The following ODAD2 variants were observed in gnomAD, a reference collection of about 807,000 sequenced individuals.
The protein encoded by ODAD2 is outer dynein arm-docking complex subunit 2.
A neutral mutation model predicts 106.8 loss-of-function variants in ODAD2; 89 were observed. The observed-to-expected ratio is 0.83, with a 90% CI of 0.70 to 0.99. The LOEUF (loss-of-function observed/expected upper bound fraction) is 0.99. ODAD2 is among the 50% of genes least tolerant of loss of function. ODAD2 has a pLI of 0.00. For synonymous variants in ODAD2, 404 were observed against 436.2 expected, an observed-to-expected ratio of 0.93 and a Z score of 0.92; for missense variants, 1,168 against 1,238.5, an observed-to-expected ratio of 0.94 and a Z score of 0.85.
chr10:27,872,525 G>A (rs543285937), intron 17 of ODAD2, among the ~76,000 whole-genome samples: 38 of 152,068 alleles, frequency 2.5e-4, no homozygotes, highest in Admixed American at 3.9e-4. Flanking sequence ...TTTGAGATAC[G>A]TCCCATCAAT....
intron 19 of ODAD2, among the ~76,000 whole-genome samples, chr10:27,836,898 C>T (rs528219631): frequency 1.3e-5 from 2 of 151,960 alleles, no homozygotes; most frequent in Non-Finnish European, 2.9e-5. Context: ...AACATCAAAC[C>T]TAAAGAGTAT....
At chr10:27,946,542 C>T (rs1034954923) in intron 10 of ODAD2, among the ~76,000 whole-genome samples, 2 of 152,004 alleles carry the variant, frequency 1.3e-5, no homozygotes, top group African/African-American at 4.8e-5. Context: ...ACAATTCCTC[C>T]CTTCTAGCTG....
intron 16 of ODAD2, among the ~76,000 whole-genome samples, chr10:27,915,150 A>AAT (rs1444467208): frequency 6.6e-6 from 1 of 152,152 alleles, no homozygotes; most frequent in African/African-American, 2.4e-5. Context: ...AACCACACCT[A>AAT]CACACATCAT....
intron 16 of ODAD2, among the ~76,000 whole-genome samples, chr10:27,933,811 T>G (rs905510342): frequency 1.3e-5 from 2 of 152,254 alleles, no homozygotes; most frequent in Non-Finnish European, 2.9e-5. Context: ...TAATCATGTA[T>G]GCAACTTGTA....
intron 19 of ODAD2, among the ~76,000 whole-genome samples, chr10:27,852,552 T>A (rs1438754052): frequency 6.6e-6 from 1 of 151,844 alleles, no homozygotes; most frequent in Non-Finnish European, 1.5e-5. Flanking sequence ...AAGCCAAAAA[T>A]GAGATAAAAT....
chr10:27,958,121 A>G (rs976252759), intron 10 of ODAD2, among the ~76,000 whole-genome samples: 3 of 152,216 alleles, frequency 2.0e-5, no homozygotes, highest in Admixed American at 6.5e-5. Context: ...TGGCTATGTG[A>G]AGAATATTTA....
At chr10:27,845,252 G>A (rs1589807708) in intron 19 of ODAD2, among the ~76,000 whole-genome samples, 1 of 152,222 alleles carries the variant, frequency 6.6e-6, no homozygotes, top group South Asian at 2.1e-4. Flanking sequence ...CCAGAAGAGA[G>A]TGGGGGCTGA....
intron 7 of ODAD2, among the ~76,000 whole-genome samples, chr10:27,981,166 G>A (rs1227752289): frequency 6.6e-6 from 1 of 152,116 alleles, no homozygotes; most frequent in African/African-American, 2.4e-5. Flanking sequence ...GGAAGTCAGG[G>A]AAGAAGGAAT....
At chr10:27,843,913 G>A (rs959792774) in intron 19 of ODAD2, among the ~76,000 whole-genome samples, 2 of 152,048 alleles carry the variant, frequency 1.3e-5, no homozygotes, top group African/African-American at 4.8e-5. Flanking sequence ...TAGCAACAAT[G>A]TTTAATTCTG....
intron 19 of ODAD2, among the ~76,000 whole-genome samples, chr10:27,839,130 A>C (rs1024480272): frequency 1.3e-5 from 2 of 152,226 alleles, no homozygotes; most frequent in African/African-American, 4.8e-5. Context: ...AATTTTGGTA[A>C]CATGATGATG....
intron 17 of ODAD2, among the ~76,000 whole-genome samples, chr10:27,898,634 C>A (rs1259047032): frequency 1.3e-5 from 2 of 152,064 alleles, no homozygotes; most frequent in Non-Finnish European, 2.9e-5. Flanking sequence ...TCCCTGTAAA[C>A]AATATTATTT....
chr10:27,956,770 G>A (rs1847763996), intron 10 of ODAD2, among the ~76,000 whole-genome samples: 1 of 152,052 alleles, frequency 6.6e-6, no homozygotes, highest in Non-Finnish European at 1.5e-5. Context: ...TTTTGACCTT[G>A]GATCCACAAA....
rs1006777703 is a variant in ODAD2 at position 27,830,716 on chromosome 10, C to T, written c.3022-18091G>A. ...CCTGGAGCACTGGAGTGGATTGTATCTCTAAGCCTTTTCCAGGACCAACCC... is the reference window on the plus strand; with the variant it reads ...CCTGGAGCACTGGAGTGGATTGTATTTCTAAGCCTTTTCCAGGACCAACCC... On this transcript the variant is annotated intron_variant, in intron 19 of 19. Coordinates refer to ENST00000305242, the MANE Select transcript of ODAD2 (RefSeq NM_018076.5). Among the ~76,000 whole-genome samples the T allele has an allele frequency of 4.6e-5, 7 of 152,234 alleles. No homozygotes were observed. In the East Asian group the frequency reaches 1.2e-3, roughly 25 times the overall value.
At chr10:27,913,574 T>C (rs576179049) in intron 16 of ODAD2, among the ~76,000 whole-genome samples, 102 of 152,260 alleles carry the variant, frequency 6.7e-4, no homozygotes, top group African/African-American at 2.3e-3. Flanking sequence ...AGAAAATATA[T>C]GCAAACTATG....
chr10:27,981,438 A>G, intron 7 of ODAD2, 28 bp downstream of exon 7: 1 of 1,464,254 alleles, frequency 6.8e-7, no homozygotes, highest in Non-Finnish European at 9.0e-7. Flanking sequence ...TAATGCTATG[A>G]AAGCTCAAAA....
intron 17 of ODAD2, among the ~76,000 whole-genome samples, chr10:27,865,551 C>T (rs948920818): frequency 2.0e-5 from 3 of 152,182 alleles, no homozygotes; most frequent in Admixed American, 6.5e-5. Context: ...TCCTGTATGA[C>T]AGCACCTATC....
intron 19 of ODAD2, among the ~76,000 whole-genome samples, chr10:27,814,556 T>G (rs1213432281): frequency 6.6e-6 from 1 of 152,184 alleles, no homozygotes; most frequent in African/African-American, 2.4e-5. Flanking sequence ...TTCATCACTT[T>G]CAACAGTCTG....
chr10:27,930,925 TCTC>T (rs1845572929), intron 16 of ODAD2, among the ~76,000 whole-genome samples: 3 of 152,176 alleles, frequency 2.0e-5, no homozygotes, highest in Non-Finnish European at 4.4e-5. Flanking sequence ...GCAATCATTG[TCTC>T]TAATACCCTT....
At chr10:27,942,783 C>T (rs1321913722) in intron 12 of ODAD2, among the ~76,000 whole-genome samples, 3 of 152,192 alleles carry the variant, frequency 2.0e-5, no homozygotes, top group African/African-American at 7.2e-5. Flanking sequence ...CCTGGAGTCT[C>T]TAATTAACAT....
Sources: gnomAD v4.1 joint callset for allele counts (sites outside exome capture counted in the v4.1 genomes callset) on GRCh38, gnomAD v4.1.1 for gene constraint, MANE v1.5 for transcripts, NCBI Gene and HGNC (gene_info 2026-07-23, HGNC 2026-07-21) for gene names.